CEACAM5: variants seen among roughly 807,000 people sequenced by gnomAD.
The protein encoded by CEACAM5 is CEA cell adhesion molecule 5.
Under a neutral mutation model 63.0 loss-of-function variants are expected in CEACAM5, and 52 were observed. The ratio of observed to expected loss-of-function variants is 0.83; its 90% CI spans 0.66 to 1.04. CEACAM5 has a LOEUF of 1.04. CEACAM5 is among the 50% of genes least tolerant of loss of function. CEACAM5 has a pLI of 0.00. For missense variants in CEACAM5, 790 were observed against 864.8 expected (o/e 0.91, Z 1.08); for synonymous variants, 357 against 351.3 (o/e 1.02, Z -0.18).
At chr19:41,726,842 C>T (rs2072707571) in intron 8 of CEACAM5, among the ~76,000 whole-genome samples, 2 of 152,176 alleles carry the variant, frequency 1.3e-5, no homozygotes, top group Admixed American at 6.5e-5. Flanking sequence ...ACAGAATGCA[C>T]TAGCCTGGGC....
chr19:41,717,460 C>T lies in CEACAM5; in HGVS notation c.964C>T (p.Pro322Ser), dbSNP rs2072544549. The change falls in exon 5 of 10, where the codon CCA becomes TCA. Residue 322 changes from proline (P) to serine (S), a missense_variant. By Grantham distance (74) the Pro-to-Ser change is moderately conservative. Coordinates refer to ENST00000221992, the MANE Select transcript of CEACAM5 (RefSeq NM_004363.6). ...TVTTITVYAEPPKPFITSNNS... is the reference protein window; with the variant it reads ...TVTTITVYAESPKPFITSNNS... ...TCTCTCTGTTATCTGCACAGCAGAG[C>T]CACCCAAACCCTTCATCACCAGCAA... 3.1e-6 allele frequency: 5 copies of T among 1,612,984 alleles called. No individual in the cohort carries two copies. Among genetic ancestry groups the T allele is most frequent in the Non-Finnish European group, 3.4e-6 (4 of 1,179,304 alleles).
chr19:41,728,626 A>C (rs1196551105), intron 9 of CEACAM5, among the ~76,000 whole-genome samples: 1 of 152,006 alleles, frequency 6.6e-6, no homozygotes. Context: ...CTCTACTAAA[A>C]ATACAAAAAA....
intron 7 of CEACAM5, among the ~76,000 whole-genome samples, chr19:41,720,500 CTT>C (rs10713199): frequency 1.2e-3 from 111 of 96,062 alleles, no homozygotes; most frequent in African/African-American, 4.2e-3. Flanking sequence ...ATGGTTTGGA[CTT>C]TTTTTTTTTT....
intron 8 of CEACAM5, among the ~76,000 whole-genome samples, chr19:41,723,720 G>T (rs2122833552): frequency 6.6e-6 from 1 of 152,124 alleles, no homozygotes; most frequent in Non-Finnish European, 1.5e-5. Flanking sequence ...GGCCGAGGCA[G>T]GTAGATTACA....
At chr19:41,715,568 G>A in intron 3 of CEACAM5, 82 bp from the exon 4 acceptor site, 1 of 1,539,908 alleles carries the variant, frequency 6.5e-7, no homozygotes, top group East Asian at 2.3e-5. Context: ...CAGCTTAGAG[G>A]GACACTGTGG....
At chr19:41,715,387 C>A (rs62117363) in intron 3 of CEACAM5, 138 bp downstream of exon 3, 135,739 of 1,362,908 alleles carry the variant, frequency 0.1, 7,657 homozygotes, top group Middle Eastern at 0.13. Flanking sequence ...GACTTTCTGC[C>A]CCAGAAAAAC....
Position 41,715,887 on chromosome 19 carries a change from C to G in CEACAM5, c.941C>G (p.Thr314Arg). The G allele has an allele frequency of 6.2e-7, 1 of 1,614,084 alleles. No individual in the cohort carries two copies. The highest frequency in any genetic ancestry group is 1.3e-5 in the African/African-American group (1 of 75,052). ...ACTGGCCTCAATAGGACCACAGTCACGACGATCACAGTCTATGGTAAGTGG... is the reference window on the plus strand; with the variant it reads ...ACTGGCCTCAATAGGACCACAGTCAGGACGATCACAGTCTATGGTAAGTGG... ...SDTGLNRTTVTTITVYAEPPK... is the reference protein window; with the variant it reads ...SDTGLNRTTVRTITVYAEPPK... Residue 314 changes from threonine to arginine, a missense_variant, in exon 4 of 10, where the codon ACG (threonine) becomes AGG (arginine). Coordinates refer to ENST00000221992, the MANE Select transcript of CEACAM5 (RefSeq NM_004363.6).
At chr19:41,716,016 G>A (rs1297113291) in intron 4 of CEACAM5, 112 bp downstream of exon 4, 8 of 1,225,964 alleles carry the variant, frequency 6.5e-6, no homozygotes, top group African/African-American at 3.0e-5. Context: ...GTGGGCACAA[G>A]CAAATCCCAG....
chr19:41,713,125 T>C (rs2072463278), intron 2 of CEACAM5, among the ~76,000 whole-genome samples: 1 of 152,082 alleles, frequency 6.6e-6, no homozygotes. Flanking sequence ...GCCAACATGG[T>C]GAAACCCCGT....
chr19:41,710,139 T>C (rs2072413491), intron 2 of CEACAM5, 100 bp downstream of exon 2: 1 of 1,498,964 alleles, frequency 6.7e-7, no homozygotes, highest in African/African-American at 1.4e-5. Context: ...CCCTCTGCAT[T>C]ACGCACCATG....
intron 5 of CEACAM5, 80 bp from the exon 6 acceptor site, chr19:41,718,048 C>T: frequency 2.6e-6 from 4 of 1,535,872 alleles, no homozygotes; most frequent in Non-Finnish European, 3.6e-6. Context: ...CTCAGGGGGA[C>T]ACTGTTGCCC....
Position 41,719,970 on chromosome 19 carries a change from A to G in CEACAM5, c.1533A>G (p.Lys511=). 6.2e-7 allele frequency: 1 copy of G among 1,614,072 alleles called. No homozygotes were observed. The highest frequency in any genetic ancestry group is 8.5e-7 in the Non-Finnish European group (1 of 1,180,006). The change falls in exon 7 of 10, where the codon AAA becomes AAG. Residue 511 remains lysine, a synonymous_variant. Transcript: ENST00000221992. Reference sequence around the variant, plus strand: ...CCTCCATCTCCAGCAACAACTCCAAACCCGTGGAGGACAAGGATGCTGTGG... The same window carrying G: ...CCTCCATCTCCAGCAACAACTCCAAGCCCGTGGAGGACAAGGATGCTGTGG... ...PKPSISSNNS[K]PVEDKDAVAF...
intron 2 of CEACAM5, among the ~76,000 whole-genome samples, chr19:41,712,499 G>C (rs1453982949): frequency 1.3e-5 from 2 of 152,210 alleles, no homozygotes; most frequent in African/African-American, 4.8e-5. Flanking sequence ...ACAGGAACTA[G>C]GGGCAGGGAG....
chr19:41,729,266 G>A lies in CEACAM5; in HGVS notation c.*119G>A, dbSNP rs1473381716. 6.6e-6 allele frequency: 1 copy of A among 152,042 alleles called. No individual in the cohort carries two copies. Among genetic ancestry groups the A allele is most frequent in the Non-Finnish European group, 1.5e-5 (1 of 68,018 alleles). 9.4% of individuals were successfully genotyped at this position (152,042 alleles called of 1,614,324 possible). On this transcript the variant is annotated 3_prime_UTR_variant, in exon 10 of 10. Coordinates refer to ENST00000221992, the MANE Select transcript of CEACAM5 (RefSeq NM_004363.6). The stretch of plus-strand genomic sequence containing the variant: ...CTTTACCAAGGATATTTACAGAAAA[G>A]ACTCTGACCAGAGATCGAGACCATC...
chr19:41,720,007 G>C lies in CEACAM5; in HGVS notation c.1570G>C (p.Glu524Gln), dbSNP rs782495250. 1 of 1,614,246 alleles carries C rather than the reference G, an allele frequency of 6.2e-7. No individual in the cohort carries two copies. Among genetic ancestry groups the C allele is most frequent in the Admixed American group, 1.7e-5 (1 of 60,038 alleles). The part of the protein sequence containing the change: ...EDKDAVAFTC[E>Q]PEAQNTTYLW... ...CAAGGATGCTGTGGCCTTCACCTGT[G>C]AACCTGAGGCTCAGAACACAACCTA... The change falls in exon 7 of 10, where the codon GAA becomes CAA. Residue 524 changes from glutamate to glutamine, a missense_variant. By Grantham distance (29) the Glu-to-Gln change is conservative (BLOSUM62 2). Transcript: ENST00000221992.
intron 8 of CEACAM5, among the ~76,000 whole-genome samples, chr19:41,724,837 A>C (rs1195325721): frequency 1.3e-5 from 2 of 152,182 alleles, no homozygotes; most frequent in Non-Finnish European, 2.9e-5. Context: ...ACATCACTGA[A>C]TTTATTTATT....
intron 8 of CEACAM5, among the ~76,000 whole-genome samples, chr19:41,724,523 A>G (rs1340951694): frequency 6.6e-6 from 1 of 152,196 alleles, no homozygotes; most frequent in Non-Finnish European, 1.5e-5. Context: ...GGACTCTGGT[A>G]CAAATTGCGT....
At position 41,730,195 on chromosome 19, in the gene CEACAM5, C is replaced by A. The variant is rs1182175101; in HGVS notation, c.*1048C>A. ...CAGCACTTTGATCCGCCGAGGCGGG[C>A]GGATCACGAGGTCAGGAGATCCAGA... On this transcript the variant is annotated 3_prime_UTR_variant, in exon 10 of 10. Transcript: ENST00000221992. Among the ~76,000 whole-genome samples, 1 of 152,030 alleles carries A rather than the reference C, an allele frequency of 6.6e-6. No homozygotes were observed. Among genetic ancestry groups the A allele is most frequent in the African/African-American group, 2.4e-5 (1 of 41,372 alleles).
intron 3 of CEACAM5, 60 bp downstream of exon 3, chr19:41,715,309 C>A: frequency 1.2e-6 from 2 of 1,600,256 alleles, no homozygotes; most frequent in Non-Finnish European, 1.7e-6. Context: ...GGGCCAGAGG[C>A]AGGATTTCTC....
Sources: allele counts gnomAD v4.1 joint callset (sites outside exome capture counted in the v4.1 genomes callset), GRCh38; gene constraint gnomAD v4.1.1; transcripts MANE v1.5; gene names NCBI Gene and HGNC (gene_info 2026-07-23, HGNC 2026-07-21).